B4GALT6: variants seen among roughly 807,000 people sequenced by gnomAD.
B4GALT6 encodes UDP-Gal:beta-GlcNAc beta-1,4-galactosyltransferase 6.
B4GALT6 carries 14 observed loss-of-function variants against 46.3 expected under a neutral mutation model. That is an observed-to-expected ratio of 0.30 (90% CI 0.20 to 0.47). The LOEUF (loss-of-function observed/expected upper bound fraction) is 0.47, where lower values mean the gene tolerates loss of function less well. Among genes scored for constraint, B4GALT6 ranks in the 20% least tolerant of loss-of-function variants. B4GALT6 has a pLI of 0.99. For synonymous variants in B4GALT6, 168 were observed against 162.0 expected (o/e 1.04, Z -0.28); for missense variants, 386 against 480.1 (o/e 0.80, Z 1.83).
intron 1 of B4GALT6, among the ~76,000 whole-genome samples, chr18:31,672,538 T>C (rs762979161): frequency 3.3e-5 from 5 of 152,058 alleles, no homozygotes; most frequent in Non-Finnish European, 5.9e-5. Context: ...ACAGTGAAAA[T>C]GCTAATGGAC....
chr18:31,638,481 C>T (rs1193048685), intron 5 of B4GALT6, among the ~76,000 whole-genome samples, 163 bp downstream of exon 5: 1 of 152,044 alleles, frequency 6.6e-6, no homozygotes, highest in South Asian at 2.1e-4. Flanking sequence ...GAGCCGAGAT[C>T]GCGCCACTGC....
the B4GALT6 span, among the ~76,000 whole-genome samples, chr18:31,696,330 GA>G: frequency 2.7e-5 from 4 of 149,980 alleles, no homozygotes; most frequent in East Asian, 1.9e-4. Context: ...AAATGCAATA[GA>G]AAAAAGTTCA....
chr18:31,664,000 A>C (rs991079721), intron 2 of B4GALT6, among the ~76,000 whole-genome samples: 10 of 152,240 alleles, frequency 6.6e-5, no homozygotes, highest in Admixed American at 5.9e-4. Flanking sequence ...GGTCAAGACT[A>C]TATTTCCCAG....
At chr18:31,631,171 A>C (rs750823164) in intron 5 of B4GALT6, 25 bp from the exon 6 acceptor site, 3 of 1,568,890 alleles carry the variant, frequency 1.9e-6, no homozygotes, top group Non-Finnish European at 2.6e-6. Context: ...CCGAGAGAAA[A>C]AAATAGAAAT....
At chr18:31,672,130 G>A (rs1023416950) in intron 1 of B4GALT6, among the ~76,000 whole-genome samples, 12 of 152,220 alleles carry the variant, frequency 7.9e-5, no homozygotes, top group African/African-American at 2.7e-4. Flanking sequence ...ATGCCTGCCT[G>A]CAGGGATCTA....
chr18:31,722,144 A>T, the B4GALT6 span, among the ~76,000 whole-genome samples: 1 of 152,132 alleles, frequency 6.6e-6, no homozygotes, highest in Non-Finnish European at 1.5e-5. Flanking sequence ...AGCTAGAATA[A>T]TTTGCAACCA....
At chr18:31,704,469 G>C in the B4GALT6 span, among the ~76,000 whole-genome samples, 1 of 152,100 alleles carries the variant, frequency 6.6e-6, no homozygotes, top group African/African-American at 2.4e-5. Flanking sequence ...CTCCCAAAGT[G>C]CTGGGATTAC....
chr18:31,681,014 C>T (rs918108148), intron 1 of B4GALT6, among the ~76,000 whole-genome samples: 7 of 152,226 alleles, frequency 4.6e-5, no homozygotes, highest in Admixed American at 2.0e-4. Flanking sequence ...CCCTCACTTC[C>T]CACCACATGC....
the B4GALT6 span, among the ~76,000 whole-genome samples, chr18:31,701,731 A>G: frequency 6.6e-6 from 1 of 152,194 alleles, no homozygotes; most frequent in African/African-American, 2.4e-5. Flanking sequence ...AACAAAGAAA[A>G]TAAATGATTG....
At chr18:31,667,919 A>AC (rs1227247173) in intron 1 of B4GALT6, among the ~76,000 whole-genome samples, 1 of 151,812 alleles carries the variant, frequency 6.6e-6, no homozygotes, top group Admixed American at 6.6e-5. Flanking sequence ...ACATGGTGAA[A>AC]CCCCATCTCT....
the B4GALT6 span, among the ~76,000 whole-genome samples, chr18:31,708,526 T>C: frequency 7.2e-5 from 11 of 151,844 alleles, no homozygotes; most frequent in African/African-American, 2.7e-4. Flanking sequence ...GATCGTGCCA[T>C]TTCACTCCAG....
the B4GALT6 span, among the ~76,000 whole-genome samples, chr18:31,695,188 G>T: frequency 3.3e-5 from 5 of 151,764 alleles, no homozygotes; most frequent in African/African-American, 1.2e-4. Flanking sequence ...AGTATTACAC[G>T]GGTAGCAGGA....
intron 4 of B4GALT6, among the ~76,000 whole-genome samples, chr18:31,645,064 C>CAG (rs905046489): frequency 6.6e-6 from 1 of 152,116 alleles, no homozygotes; most frequent in Non-Finnish European, 1.5e-5. Flanking sequence ...CAGAACAGAA[C>CAG]AACAAAAAAA....
chr18:31,638,624 A>T lies in B4GALT6; in HGVS notation c.588+20T>A, dbSNP rs768070718. On this transcript the variant is annotated intron_variant, in intron 5 of 8. Coordinates refer to ENST00000306851, the MANE Select transcript of B4GALT6 (RefSeq NM_004775.5). ...TTAGATTCTAGTATACTTAGTGACC[A>T]CTATGAAAAGTATTCTCACCTGTTC... 3.3e-6 allele frequency: 5 copies of T among 1,534,484 alleles called. No individual in the cohort carries two copies. The African/African-American group carries it at 6.8e-5, about 21-fold the overall frequency.
chr18:31,632,084 T>C (rs566378075), intron 5 of B4GALT6, among the ~76,000 whole-genome samples: 2 of 152,302 alleles, frequency 1.3e-5, no homozygotes, highest in African/African-American at 4.8e-5. Context: ...AAAGAGCATT[T>C]ACCAGTGTTT....
the B4GALT6 span, among the ~76,000 whole-genome samples, chr18:31,697,400 G>T: frequency 2.7e-5 from 4 of 150,338 alleles, no homozygotes; most frequent in African/African-American, 9.8e-5. Context: ...AGAGGAAGGG[G>T]GAAGAGGGAG....
At chr18:31,707,004 G>A in the B4GALT6 span, among the ~76,000 whole-genome samples, 252 of 152,236 alleles carry the variant, frequency 1.7e-3, no homozygotes, top group African/African-American at 5.8e-3. Context: ...GGTGGGAGGT[G>A]TAAACGCCAG....
chr18:31,685,808 T>C (rs1275890735), upstream of B4GALT6: 1 of 152,310 alleles, frequency 6.6e-6, no homozygotes, highest in Non-Finnish European at 1.5e-5. Flanking sequence ...ACAAGGTGTA[T>C]TTCCGACCTG....
the B4GALT6 span, among the ~76,000 whole-genome samples, chr18:31,697,219 T>C: frequency 6.6e-6 from 1 of 151,862 alleles, no homozygotes; most frequent in African/African-American, 2.4e-5. Context: ...ATGGCTGAGA[T>C]TGTGCCCCTG....
Sources: gnomAD v4.1 joint callset for allele counts (sites outside exome capture counted in the v4.1 genomes callset) on GRCh38, gnomAD v4.1.1 for gene constraint, MANE v1.5 for transcripts, NCBI Gene and HGNC (gene_info 2026-07-23, HGNC 2026-07-21) for gene names.